The following RALGAPA2 variants were observed in gnomAD, a reference collection of about 807,000 sequenced individuals.
The protein encoded by RALGAPA2 is Ral GTPase activating protein catalytic subunit alpha 2, also known as ral GTPase-activating protein subunit alpha-2.
A neutral mutation model predicts 230.4 loss-of-function variants in RALGAPA2; 139 were observed. The observed-to-expected ratio is 0.60, with a 90% CI of 0.53 to 0.69. RALGAPA2 has a LOEUF of 0.69. Ranked by LOEUF, RALGAPA2 falls within the 30% of genes least tolerant of loss-of-function variation. RALGAPA2 has a pLI of 0.00. For missense variants in RALGAPA2, 2,163 were observed against 2,276.0 expected (o/e 0.95, Z 1.01); for synonymous variants, 847 against 837.8 (o/e 1.01, Z -0.19).
chr20:20,671,583 G>A (rs958197953), intron 3 of RALGAPA2, among the ~76,000 whole-genome samples: 2 of 152,014 alleles, frequency 1.3e-5, no homozygotes, highest in Non-Finnish European at 2.9e-5. Context: ...AGAGACAGAG[G>A]GAACATAAGC....
At chr20:20,393,649 G>A (rs976036213) in intron 39 of RALGAPA2, among the ~76,000 whole-genome samples, 3 of 152,136 alleles carry the variant, frequency 2.0e-5, no homozygotes, top group Non-Finnish European at 2.9e-5. Flanking sequence ...GATCCCTGGC[G>A]GTGTTCCTGG....
chr20:20,433,075 G>A (rs115993732), intron 37 of RALGAPA2, among the ~76,000 whole-genome samples: 175 of 152,330 alleles, frequency 1.1e-3, no homozygotes, highest in African/African-American at 4.0e-3. Context: ...GTCATTTCAT[G>A]TGATGCCAAC....
chr20:20,653,592 T>TA lies in RALGAPA2; in HGVS notation c.271-6dup, dbSNP rs769582629. 18 of 1,429,510 alleles carry TA rather than the reference T, an allele frequency of 1.3e-5. No individual in the cohort carries two copies. In the South Asian group the frequency reaches 1.4e-4, roughly 11 times the overall value. The allele number at this position is 1,429,510 out of a possible 1,614,324, so 88.6% of individuals were successfully genotyped here. ...AGGTAGAAACTGCAGTATTTTCTAT[T>TA]AAAAAAAGATATAAAGAAAATAAAC... On this transcript the variant is annotated splice_region_variant and splice_polypyrimidine_tract_variant and intron_variant, in intron 3 of 39. Transcript: ENST00000202677.
intron 4 of RALGAPA2, among the ~76,000 whole-genome samples, chr20:20,651,275 C>T (rs1789789304): frequency 1.3e-5 from 2 of 152,160 alleles, no homozygotes; most frequent in African/African-American, 2.4e-5. Flanking sequence ...CACCAATTTC[C>T]ACCCAATATG....
At chr20:20,491,809 T>C (rs1362556176) in intron 36 of RALGAPA2, among the ~76,000 whole-genome samples, 1 of 151,926 alleles carries the variant, frequency 6.6e-6, no homozygotes, top group East Asian at 1.9e-4. Context: ...AACAATGGAA[T>C]GATGCTGCTA....
intron 24 of RALGAPA2, among the ~76,000 whole-genome samples, chr20:20,538,101 A>G (rs761032945): frequency 2.6e-5 from 4 of 152,208 alleles, no homozygotes; most frequent in Admixed American, 1.3e-4. Context: ...GGAGAGGCAA[A>G]TAACAGCTAC....
At chr20:20,418,812 T>C (rs1361129048) in intron 37 of RALGAPA2, among the ~76,000 whole-genome samples, 1 of 152,158 alleles carries the variant, frequency 6.6e-6, no homozygotes, top group Non-Finnish European at 1.5e-5. Context: ...CATCATAGCT[T>C]ACTGCCACCT....
In RALGAPA2 at chr20:20,705,662, G is replaced by GTTGTT. The variant is rs550201915; in HGVS notation, c.106+6708_106+6712dup. 4.0e-3 allele frequency among the ~76,000 whole-genome samples: 603 copies of GTTGTT among 151,968 alleles called. 4 individuals are homozygous for GTTGTT. The highest frequency in any genetic ancestry group is 0.013 in the African/African-American group (549 of 41,432). On this transcript the variant is annotated intron_variant, in intron 1 of 39. Transcript: ENST00000202677. ...TTGAAAGTCAAGTTTTGTTGTTGTT[G>GTTGTT]TTGTTTTGTTTTGTTTTGTTTTGTT...
chr20:20,524,909 G>A lies in RALGAPA2; in HGVS notation c.3694-11C>T, dbSNP rs2063155337. On this transcript the variant is annotated splice_polypyrimidine_tract_variant and intron_variant, in intron 28 of 39. Transcript: ENST00000202677. ...TGTGGCCACGAGGATCTGCATAAAAGATAAATCCCCAATCAAACAGACCAT... is the reference window on the plus strand; with the variant it reads ...TGTGGCCACGAGGATCTGCATAAAAAATAAATCCCCAATCAAACAGACCAT... 1 of 1,598,048 alleles carries A rather than the reference G, an allele frequency of 6.3e-7. No individual in the cohort carries two copies. Among genetic ancestry groups the A allele is most frequent in the African/African-American group, 1.3e-5 (1 of 74,608 alleles).
chr20:20,524,660 G>A (rs921606099), intron 29 of RALGAPA2, 117 bp from the exon 30 acceptor site: 1 of 1,367,928 alleles, frequency 7.3e-7, no homozygotes, highest in Non-Finnish European at 1.0e-6. Context: ...TGCTAGATAA[G>A]TAGGTAAGTA....
chr20:20,525,876 T>C (rs2063186383), intron 28 of RALGAPA2, among the ~76,000 whole-genome samples: 1 of 152,176 alleles, frequency 6.6e-6, no homozygotes, highest in Non-Finnish European at 1.5e-5. Flanking sequence ...TGGGAGAGAC[T>C]TCTGTTTTAC....
chr20:20,394,229 C>T (rs1194069655), intron 39 of RALGAPA2, among the ~76,000 whole-genome samples: 1 of 152,122 alleles, frequency 6.6e-6, no homozygotes, highest in African/African-American at 2.4e-5. Flanking sequence ...TTTCCAAAAT[C>T]AATACTTGCA....
intron 23 of RALGAPA2, among the ~76,000 whole-genome samples, chr20:20,567,031 G>A (rs868857603): frequency 6.6e-6 from 1 of 152,190 alleles, no homozygotes; most frequent in African/African-American, 2.4e-5. Context: ...TTACATTAAT[G>A]TAGGCTTTGC....
Position 20,639,769 on chromosome 20 carries a change from A to C in RALGAPA2, c.666+16T>G. ...GAATAAACCCATCACTGAAATAGTC[A>C]TAATTTTTCTCTGACCTGAATAACC... is the stretch of plus-strand genomic sequence containing the variant. On this transcript the variant is annotated intron_variant, in intron 7 of 39. Coordinates refer to ENST00000202677, the MANE Select transcript of RALGAPA2 (RefSeq NM_020343.4). The C allele has an allele frequency of 6.5e-7, 1 of 1,534,892 alleles. No homozygotes were observed. Among genetic ancestry groups the C allele is most frequent in the Non-Finnish European group, 9.0e-7 (1 of 1,108,214 alleles).
intron 4 of RALGAPA2, among the ~76,000 whole-genome samples, chr20:20,651,384 A>G (rs1043140629): frequency 2.0e-5 from 3 of 152,240 alleles, no homozygotes; most frequent in Admixed American, 2.0e-4. Context: ...GCAAATGCTC[A>G]TATTTCAACA....
intron 9 of RALGAPA2, among the ~76,000 whole-genome samples, chr20:20,632,794 T>C (rs2066720650): frequency 6.6e-6 from 1 of 152,180 alleles, no homozygotes; most frequent in South Asian, 2.1e-4. Flanking sequence ...TGCCCTTTCA[T>C]CTCCTTAGTC....
chr20:20,595,383 C>A (rs1472799528), intron 16 of RALGAPA2, among the ~76,000 whole-genome samples: 1 of 152,130 alleles, frequency 6.6e-6, no homozygotes, highest in African/African-American at 2.4e-5. Flanking sequence ...ATAGGAAATG[C>A]ATATCAGCTC....
At chr20:20,622,925 T>C (rs2066366523) in intron 10 of RALGAPA2, among the ~76,000 whole-genome samples, 1 of 152,036 alleles carries the variant, frequency 6.6e-6, no homozygotes, top group Admixed American at 6.5e-5. Context: ...GAGGAGTAAA[T>C]AGAGCTAACA....
chr20:20,590,722 T>C (rs535191951), intron 17 of RALGAPA2, among the ~76,000 whole-genome samples: 6 of 152,340 alleles, frequency 3.9e-5, no homozygotes, highest in African/African-American at 1.4e-4. Context: ...GTCGGCAAGC[T>C]GTTAATAAAC....
Sources: allele counts gnomAD v4.1 joint callset (sites outside exome capture counted in the v4.1 genomes callset), GRCh38; gene constraint gnomAD v4.1.1; transcripts MANE v1.5; gene names NCBI Gene and HGNC (gene_info 2026-07-23, HGNC 2026-07-21).